CSMD3: variants seen among roughly 807,000 people sequenced by gnomAD.
CSMD3 encodes CUB and Sushi multiple domains 3.
Under a neutral mutation model 435.2 loss-of-function variants are expected in CSMD3, and 177 were observed. The observed-to-expected ratio is 0.41, with a 90% CI of 0.36 to 0.46. The LOEUF (loss-of-function observed/expected upper bound fraction) is 0.46. Ranked by LOEUF, CSMD3 falls within the 20% of genes least tolerant of loss-of-function variation. The pLI is 0.34. For missense variants in CSMD3, 4,265 were observed against 4,504.6 expected, an observed-to-expected ratio of 0.95 and a Z score of 1.52; for synonymous variants, 1,656 against 1,520.5, an observed-to-expected ratio of 1.09 and a Z score of -2.07.
intron 10 of CSMD3, among the ~76,000 whole-genome samples, chr8:112,919,083 C>T (rs939722932): frequency 9.9e-5 from 15 of 152,026 alleles, no homozygotes; most frequent in African/African-American, 2.4e-4. Flanking sequence ...CATACACATA[C>T]GTGCCTTGCA....
At chr8:112,596,663 T>C (rs927462132) in intron 22 of CSMD3, among the ~76,000 whole-genome samples, 3 of 151,784 alleles carry the variant, frequency 2.0e-5, no homozygotes, top group Admixed American at 6.6e-5. Context: ...TATAACAAAC[T>C]ATCTCTCAGA....
chr8:112,760,421 T>C (rs2132144631), intron 13 of CSMD3, among the ~76,000 whole-genome samples: 1 of 152,272 alleles, frequency 6.6e-6, no homozygotes, highest in Non-Finnish European at 1.5e-5. Context: ...AATGTGTCAG[T>C]TGTCACATTA....
At chr8:112,547,268 T>C (rs1484635052) in intron 27 of CSMD3, among the ~76,000 whole-genome samples, 1 of 152,124 alleles carries the variant, frequency 6.6e-6, no homozygotes, top group East Asian at 1.9e-4. Flanking sequence ...ATATGTGTTT[T>C]ATATAGACAT....
intron 10 of CSMD3, among the ~76,000 whole-genome samples, chr8:112,870,272 ATT>A (rs367725898): frequency 2.8e-5 from 4 of 141,256 alleles, no homozygotes; most frequent in African/African-American, 2.6e-5. Flanking sequence ...CAGAATGGCT[ATT>A]TTTTTTTTTT....
chr8:113,216,713 G>A (rs1376007458), intron 3 of CSMD3, among the ~76,000 whole-genome samples: 3 of 151,888 alleles, frequency 2.0e-5, no homozygotes, highest in Admixed American at 6.6e-5. Context: ...CAAAGCTTTC[G>A]TTGGCATATG....
intron 23 of CSMD3, among the ~76,000 whole-genome samples, chr8:112,574,945 C>T (rs10102348): frequency 0.4 from 60,539 of 151,624 alleles, 13,065 homozygotes; most frequent in East Asian, 0.58. Context: ...AATGTTCCTC[C>T]ATAATTACAT....
chr8:113,087,086 T>C (rs1030895439), intron 5 of CSMD3, among the ~76,000 whole-genome samples: 6 of 152,184 alleles, frequency 3.9e-5, no homozygotes, highest in African/African-American at 1.2e-4. Flanking sequence ...AAGAGTCATT[T>C]TCCACTCCAA....
At chr8:112,253,954 C>T (rs1178507106) in intron 63 of CSMD3, among the ~76,000 whole-genome samples, 2 of 152,010 alleles carry the variant, frequency 1.3e-5, no homozygotes, top group African/African-American at 4.8e-5. Context: ...CATTTACTCC[C>T]TCACTCTTAC....
chr8:113,334,741 T>C (rs190521802), intron 1 of CSMD3, among the ~76,000 whole-genome samples: 21 of 152,240 alleles, frequency 1.4e-4, no homozygotes, highest in Admixed American at 5.9e-4. Flanking sequence ...ATTTTCTTAA[T>C]AGTTATAGGG....
At chr8:113,208,554 TATA>T (rs1228227830) in intron 3 of CSMD3, among the ~76,000 whole-genome samples, 6 of 152,166 alleles carry the variant, frequency 3.9e-5, no homozygotes, top group African/African-American at 1.4e-4. Flanking sequence ...CTGTCCACAA[TATA>T]ATATCATATA....
At chr8:112,685,281 A>AT (rs1774633489) in intron 15 of CSMD3, 125 bp downstream of exon 15, 2 of 726,064 alleles carry the variant, frequency 2.8e-6, no homozygotes, top group Admixed American at 4.9e-5. Flanking sequence ...CCTTGGCACA[A>AT]TGAGATTTAC....
intron 11 of CSMD3, among the ~76,000 whole-genome samples, chr8:112,858,378 C>T (rs1405712982): frequency 6.6e-6 from 1 of 151,586 alleles, no homozygotes; most frequent in Non-Finnish European, 1.5e-5. Context: ...ACAATCTGAA[C>T]CAATTTCATG....
At chr8:112,439,068 A>G (rs951107450) in intron 32 of CSMD3, among the ~76,000 whole-genome samples, 2 of 152,208 alleles carry the variant, frequency 1.3e-5, no homozygotes, top group African/African-American at 4.8e-5. Context: ...CTTCACAGAT[A>G]TATTATGATA....
intron 5 of CSMD3, among the ~76,000 whole-genome samples, chr8:113,068,108 A>G (rs1194411970): frequency 6.6e-6 from 1 of 152,192 alleles, no homozygotes; most frequent in Non-Finnish European, 1.5e-5. Context: ...TGCTGTATAA[A>G]AAGAGTTCTG....
intron 59 of CSMD3, among the ~76,000 whole-genome samples, chr8:112,273,991 A>T (rs1259559231): frequency 6.6e-6 from 1 of 151,844 alleles, no homozygotes; most frequent in Non-Finnish European, 1.5e-5. Context: ...TAAAAAGGAT[A>T]TGAGGAGAAA....
chr8:113,241,312 G>A (rs2093213385), intron 3 of CSMD3, among the ~76,000 whole-genome samples: 1 of 151,952 alleles, frequency 6.6e-6, no homozygotes, highest in South Asian at 2.1e-4. Flanking sequence ...CAGAAAAAAT[G>A]TTATGTTCCA....
At chr8:112,592,465 A>G (rs932201361) in intron 22 of CSMD3, among the ~76,000 whole-genome samples, 2 of 151,994 alleles carry the variant, frequency 1.3e-5, no homozygotes, top group African/African-American at 2.4e-5. Flanking sequence ...TTTTTTGAAG[A>G]ATTTCAAAAA....
At chr8:112,747,354 T>C (rs1363788600) in intron 13 of CSMD3, among the ~76,000 whole-genome samples, 2 of 151,678 alleles carry the variant, frequency 1.3e-5, no homozygotes, top group African/African-American at 4.9e-5. Flanking sequence ...TGCCTCACAG[T>C]TAAGTGTATA....
chr8:112,889,141 C>T (rs1304107597), intron 10 of CSMD3, among the ~76,000 whole-genome samples: 2 of 151,628 alleles, frequency 1.3e-5, no homozygotes, highest in Non-Finnish European at 3.0e-5. Flanking sequence ...CCAAAACTTT[C>T]CCCTTGCTGC....
Sources: allele counts gnomAD v4.1 joint callset (sites outside exome capture counted in the v4.1 genomes callset), GRCh38; gene constraint gnomAD v4.1.1; transcripts MANE v1.5; gene names NCBI Gene and HGNC (gene_info 2026-07-23, HGNC 2026-07-21).